ZNF675: variants seen among roughly 807,000 people sequenced by gnomAD.
The protein encoded by ZNF675 is TRAF6 inhibitory zinc finger.
In ZNF675, 36 loss-of-function variants were observed where a neutral mutation model predicts 56.1. That is an observed-to-expected ratio of 0.64 (90% CI 0.49 to 0.85). The LOEUF (loss-of-function observed/expected upper bound fraction) is 0.85, where lower values mean the gene tolerates loss of function less well. ZNF675 is among the 40% of genes least tolerant of loss of function. The pLI, the probability that ZNF675 is intolerant of heterozygous loss-of-function variation, is 0.00. For missense variants in ZNF675, 663 were observed against 654.2 expected (o/e 1.01, Z -0.15); for synonymous variants, 200 against 218.9 (o/e 0.91, Z 0.76).
At chr19:23,675,816 T>G (rs1029717804) in intron 1 of ZNF675, among the ~76,000 whole-genome samples, 1 of 151,316 alleles carries the variant, frequency 6.6e-6, no homozygotes, top group Non-Finnish European at 1.5e-5. Context: ...AATCAACCCC[T>G]AAGGTAGAAG....
At chr19:23,661,651 C>T (rs1968080179) in intron 3 of ZNF675, among the ~76,000 whole-genome samples, 1 of 151,960 alleles carries the variant, frequency 6.6e-6, no homozygotes. Context: ...GACTGTAGCA[C>T]TGCACCCCAG....
chr19:23,653,268 T>C lies in ZNF675; in HGVS notation c.1665A>G (p.Lys555=). Reference sequence around the variant, plus strand: ...GTAGTTTCTCTCCAGTATGTATTTTTTTATGTTTAGTAAGGTTTGCAGATT... The same window carrying C: ...GTAGTTTCTCTCCAGTATGTATTTTCTTATGTTTAGTAAGGTTTGCAGATT... ...FNQSANLTKH[K]KIHTGEKLQN... Residue 555 remains lysine, a synonymous_variant, in exon 4 of 4, where the codon AAA becomes AAG. Coordinates refer to ENST00000359788, the MANE Select transcript of ZNF675 (RefSeq NM_138330.3). 4 of 1,610,646 alleles carry C rather than the reference T, an allele frequency of 2.5e-6. No homozygotes were observed. Among genetic ancestry groups the C allele is most frequent in the Non-Finnish European group, 3.4e-6 (4 of 1,178,572 alleles).
chr19:23,686,940 T>C, intron 1 of ZNF675, 91 bp downstream of exon 1: 1 of 1,493,512 alleles, frequency 6.7e-7, no homozygotes, highest in African/African-American at 1.4e-5. Context: ...TGGAGCTGAC[T>C]GCGGGGAGGC....
At chr19:23,672,226 T>G (rs1968236111) in intron 1 of ZNF675, among the ~76,000 whole-genome samples, 1 of 80,914 alleles carries the variant, frequency 1.2e-5, no homozygotes, top group Admixed American at 1.9e-4. Flanking sequence ...TAGTTAGCTC[T>G]TGGGTTTAAA....
intron 1 of ZNF675, among the ~76,000 whole-genome samples, chr19:23,685,978 T>C (rs1003514191): frequency 1.3e-5 from 2 of 152,322 alleles, no homozygotes; most frequent in African/African-American, 4.8e-5. Context: ...CCTGGGTTCC[T>C]ATTTTTTAAA....
intron 1 of ZNF675, among the ~76,000 whole-genome samples, chr19:23,671,826 C>A (rs1409978495): frequency 6.6e-6 from 1 of 151,996 alleles, no homozygotes; most frequent in Admixed American, 6.6e-5. Flanking sequence ...CTCCAGACCT[C>A]TTCCTTGTTT....
At chr19:23,671,866 C>T (rs956124492) in intron 1 of ZNF675, among the ~76,000 whole-genome samples, 2 of 152,090 alleles carry the variant, frequency 1.3e-5, no homozygotes, top group African/African-American at 2.4e-5. Context: ...ACTGGAGAAA[C>T]TCTCATCTGA....
intron 2 of ZNF675, among the ~76,000 whole-genome samples, chr19:23,662,715 C>T (rs551043167): frequency 6.6e-6 from 1 of 152,282 alleles, no homozygotes; most frequent in South Asian, 2.1e-4. Context: ...CATGGTGGCT[C>T]ACACCAGTAA....
intron 2 of ZNF675, among the ~76,000 whole-genome samples, chr19:23,662,822 A>T (rs578005537): frequency 6.6e-6 from 1 of 152,168 alleles, no homozygotes; most frequent in Non-Finnish European, 1.5e-5. Flanking sequence ...TCTACCAAAA[A>T]TACAAAAAAA....
chr19:23,658,808 G>GATATATCTAT (rs1568289010), intron 3 of ZNF675: 2 of 3,912 alleles, frequency 5.1e-4, no homozygotes, highest in African/African-American at 1.3e-3. Context: ...GATATCTATA[G>GATATATCTAT]AGATATAGAT....
At chr19:23,663,417 C>A (rs942638261) in intron 1 of ZNF675, among the ~76,000 whole-genome samples, 1 of 152,152 alleles carries the variant, frequency 6.6e-6, no homozygotes, top group Non-Finnish European at 1.5e-5. Flanking sequence ...ATAGGTCAGG[C>A]ACAGTGGCTC....
intron 3 of ZNF675, 108 bp downstream of exon 3, chr19:23,662,006 T>C: frequency 1.2e-6 from 1 of 800,136 alleles, no homozygotes; most frequent in South Asian, 1.5e-5. Flanking sequence ...AGAAATTATT[T>C]CCTTTAAAAC....
chr19:23,653,216 A>G lies in ZNF675; in HGVS notation c.*10T>C. The G allele has an allele frequency of 6.4e-7, 1 of 1,552,056 alleles. No homozygotes were observed. The highest frequency in any genetic ancestry group is 8.7e-7 in the Non-Finnish European group (1 of 1,153,160). On this transcript the variant is annotated 3_prime_UTR_variant, in exon 4 of 4. Coordinates refer to ENST00000359788, the MANE Select transcript of ZNF675 (RefSeq NM_138330.3). ...ATTTAGAAAAATTTGAGGTGTTGTC[A>G]AAATCATTATCACACATTCCAGTTC...
In ZNF675 at chr19:23,654,573, A is replaced by C; in HGVS notation, c.360T>G (p.Asp120Glu). The C allele has an allele frequency of 6.2e-7, 1 of 1,612,278 alleles. No homozygotes were observed. The highest frequency in any genetic ancestry group is 8.5e-7 in the Non-Finnish European group (1 of 1,179,140). The change falls in exon 4 of 4, where the codon GAT (aspartate) becomes GAG (glutamate). Residue 120 changes from aspartate (D) to glutamate (E), a missense_variant. Physicochemically the swap from Asp to Glu is conservative, Grantham distance 45 (BLOSUM62 2). This residue lies in a region of ZNF675 where 617 missense variants were observed against 590.5 expected (regional missense o/e 1.04). Transcript: ENST00000359788. ...AACCTCCCTTGTGCAACTTACATTC[A>C]TCCACACTTTTACAGCCTTTTAACT... The part of the protein sequence containing the change: ...NFQLKGCKSV[D>E]ECKLHKGGYN...
At chr19:23,662,269 G>C (rs1968089131) in intron 2 of ZNF675, 60 bp from the exon 3 acceptor site, 8 of 1,208,446 alleles carry the variant, frequency 6.6e-6, no homozygotes, top group Non-Finnish European at 6.1e-6. Flanking sequence ...TACCAACCTA[G>C]TAATGTGCTC....
intron 3 of ZNF675, chr19:23,654,961 T>A: frequency 3.4e-6 from 1 of 295,866 alleles, no homozygotes; most frequent in Non-Finnish European, 6.2e-6. Context: ...TACAGCCAGG[T>A]GCAGTGACTC....
At position 23,666,880 on chromosome 19, in the gene ZNF675, TCA is replaced by T. The variant is rs1201243636; in HGVS notation, c.4-3724_4-3723del. Reference sequence around the variant, plus strand: ...CACGTGCAAGTGCCTGACTACCACCTCACAGTTTGGGTGAGGGACCTGAGACC... The same window carrying T: ...CACGTGCAAGTGCCTGACTACCACCTCAGTTTGGGTGAGGGACCTGAGACC... On this transcript the variant is annotated intron_variant, in intron 1 of 3. Transcript: ENST00000359788. 1.3e-4 allele frequency among the ~76,000 whole-genome samples: 20 copies of T among 152,164 alleles called. No homozygotes were observed. The South Asian group carries it at 4.2e-3, about 32-fold the overall frequency.
chr19:23,672,292 G>C (rs1266153648), intron 1 of ZNF675, among the ~76,000 whole-genome samples: 1 of 150,986 alleles, frequency 6.6e-6, no homozygotes, highest in East Asian at 1.9e-4. Context: ...TTTATGGGTA[G>C]GTATAGTTTG....
At position 23,654,316 on chromosome 19, in the gene ZNF675, T is replaced by A; in HGVS notation, c.617A>T (p.Glu206Val). ...CTTTGAAGATTGGTTAACAGCTTTTTCACATTCTTCACATTTGCAGAAATT... is the reference window on the plus strand; with the variant it reads ...CTTTGAAGATTGGTTAACAGCTTTTACACATTCTTCACATTTGCAGAAATT... ...KVNFCKCEECEKAVNQSSKLT... is the reference protein window; with the variant it reads ...KVNFCKCEECVKAVNQSSKLT... The change falls in exon 4 of 4, where the codon GAA becomes GTA. Residue 206 changes from glutamate to valine, a missense_variant. By Grantham distance (121) the Glu-to-Val change is moderately radical. This residue lies in a region of ZNF675 where 617 missense variants were observed against 590.5 expected (regional missense o/e 1.04). Coordinates refer to ENST00000359788, the MANE Select transcript of ZNF675 (RefSeq NM_138330.3). The A allele has an allele frequency of 1.9e-6, 3 of 1,610,314 alleles. No individual in the cohort carries two copies. Among genetic ancestry groups the A allele is most frequent in the African/African-American group, 2.7e-5 (2 of 74,742 alleles).
Sources: allele counts gnomAD v4.1 joint callset (sites outside exome capture counted in the v4.1 genomes callset), GRCh38; gene constraint gnomAD v4.1.1; regional missense constraint gnomAD v4.1.1; transcripts MANE v1.5; gene names NCBI Gene and HGNC (gene_info 2026-07-23, HGNC 2026-07-21).